Variants in ATG13 observed in about 807,000 individuals in gnomAD.
ATG13 encodes the protein autophagy-related protein 13.
Under a neutral mutation model 65.5 loss-of-function variants are expected in ATG13, and 23 were observed. That is an observed-to-expected ratio of 0.35 (90% CI 0.25 to 0.50). The LOEUF is 0.50. Ranked by LOEUF, ATG13 falls within the 20% of genes least tolerant of loss-of-function variation. The pLI is 0.98. For synonymous variants in ATG13, 252 were observed against 245.2 expected (o/e 1.03, Z -0.26); for missense variants, 566 against 677.0 (o/e 0.84, Z 1.82).
At chr11:46,633,839 C>T (rs1050185295) in intron 2 of ATG13, among the ~76,000 whole-genome samples, 1 of 152,092 alleles carries the variant, frequency 6.6e-6, no homozygotes, top group African/African-American at 2.4e-5. Flanking sequence ...GCTATATAAA[C>T]AGTCTCTTTT....
chr11:46,642,202 C>T (rs147954773), intron 2 of ATG13, among the ~76,000 whole-genome samples: 131 of 151,800 alleles, frequency 8.6e-4, no homozygotes, highest in African/African-American at 3.0e-3. Flanking sequence ...GAAACTCTAG[C>T]TTCTCAGTTA....
chr11:46,647,135 G>A (rs1291639590), intron 5 of ATG13, among the ~76,000 whole-genome samples: 1 of 152,070 alleles, frequency 6.6e-6, no homozygotes, highest in Non-Finnish European at 1.5e-5. Flanking sequence ...CAAGACTCGC[G>A]TGCTCTAGAA....
At chr11:46,626,944 C>T (rs1159187164) in intron 1 of ATG13, among the ~76,000 whole-genome samples, 1 of 152,214 alleles carries the variant, frequency 6.6e-6, no homozygotes, top group African/African-American at 2.4e-5. Context: ...TGCTCTTCCA[C>T]TGTTAGTTTA....
At chr11:46,637,790 G>A (rs1337787688) in intron 2 of ATG13, among the ~76,000 whole-genome samples, 1 of 152,210 alleles carries the variant, frequency 6.6e-6, no homozygotes, top group African/African-American at 2.4e-5. Context: ...GGGGAAAAAG[G>A]GAAGGTTTCA....
chr11:46,664,279 A>G (rs561908531), intron 12 of ATG13, 184 bp downstream of exon 12: 2 of 524,576 alleles, frequency 3.8e-6, no homozygotes, highest in Non-Finnish European at 6.6e-6. Flanking sequence ...GGGAATTTTC[A>G]TCTGCCCCTC....
At chr11:46,630,214 C>CT (rs1450271554) in intron 2 of ATG13, 114 bp downstream of exon 2, 2 of 152,270 alleles carry the variant, frequency 1.3e-5, no homozygotes, top group Non-Finnish European at 2.9e-5. Context: ...GAGAGATTCT[C>CT]TACATTTTTG....
In ATG13 at chr11:46,624,008, G is replaced by T. The variant is rs937138113; in HGVS notation, c.-69-6037G>T. Among the ~76,000 whole-genome samples the T allele has an allele frequency of 2.0e-5, 3 of 150,302 alleles. No individual in the cohort carries two copies. The East Asian group carries it at 5.9e-4, about 29-fold the overall frequency. On this transcript the variant is annotated intron_variant, in intron 1 of 18. Coordinates refer to ENST00000683050, the MANE Select transcript of ATG13 (RefSeq NM_001346311.2). ...CAAAATGTAATTTTATCAAATTCAGGAATTTTTTTTTTTTTTGAGATGGAG... is the reference window on the plus strand; with the variant it reads ...CAAAATGTAATTTTATCAAATTCAGTAATTTTTTTTTTTTTTGAGATGGAG...
At chr11:46,643,164 C>T (rs751591697) in intron 2 of ATG13, among the ~76,000 whole-genome samples, 1 of 152,146 alleles carries the variant, frequency 6.6e-6, no homozygotes, top group Non-Finnish European at 1.5e-5. Flanking sequence ...CCAGAGGTCT[C>T]TCAGACATTT....
chr11:46,667,411 G>A (rs1210405591), intron 14 of ATG13, among the ~76,000 whole-genome samples: 1 of 152,198 alleles, frequency 6.6e-6, no homozygotes, highest in African/African-American at 2.4e-5. Context: ...TTTAGTTGAG[G>A]GAGGGATGAT....
intron 7 of ATG13, among the ~76,000 whole-genome samples, chr11:46,650,825 C>G (rs2058743294): frequency 6.6e-6 from 1 of 152,070 alleles, no homozygotes; most frequent in South Asian, 2.1e-4. Context: ...AGGCTGGTCT[C>G]GAGCTCCTGA....
intron 11 of ATG13, among the ~76,000 whole-genome samples, chr11:46,661,791 A>G (rs2061280894): frequency 6.6e-6 from 1 of 152,154 alleles, no homozygotes; most frequent in Admixed American, 6.6e-5. Flanking sequence ...AGATCGCACC[A>G]CTGCCCTCCA....
intron 5 of ATG13, chr11:46,648,895 G>T: frequency 6.3e-6 from 2 of 315,450 alleles, no homozygotes; most frequent in Non-Finnish European, 1.1e-5. Context: ...CATTTTAAAT[G>T]ATTTAGAATT....
At chr11:46,627,655 T>G (rs997974288) in intron 1 of ATG13, among the ~76,000 whole-genome samples, 17 of 151,788 alleles carry the variant, frequency 1.1e-4, no homozygotes, top group Non-Finnish European at 1.6e-4. Context: ...ATTTTTTTAT[T>G]TTTAATAGAG....
At chr11:46,648,609 C>G (rs1395549157) in intron 5 of ATG13, 4 of 152,180 alleles carry the variant, frequency 2.6e-5, no homozygotes, top group African/African-American at 9.7e-5. Context: ...AACCCCGTCT[C>G]TACTAAAAAT....
intron 12 of ATG13, 144 bp from the exon 13 acceptor site, chr11:46,664,705 A>G (rs762786261): frequency 5.9e-6 from 4 of 675,454 alleles, no homozygotes; most frequent in Middle Eastern, 2.5e-4. Flanking sequence ...CCTAACCCCT[A>G]TCACGTCAGG....
At chr11:46,659,613 G>A in intron 11 of ATG13, 128 bp downstream of exon 11, 1 of 675,200 alleles carries the variant, frequency 1.5e-6, no homozygotes, top group Non-Finnish European at 2.5e-6. Flanking sequence ...GGGTTACTTT[G>A]AGGGGTAAGA....
chr11:46,674,432 C>G lies in ATG13; in HGVS notation c.*2100C>G, dbSNP rs1032003763. The stretch of plus-strand genomic sequence containing the variant: ...GTCAGAGTCCCTCCTCCTCCTCCAA[C>G]CTCTCCAACCTACTTTGTTTGGAAA... On this transcript the variant is annotated 3_prime_UTR_variant, in exon 19 of 19. Transcript: ENST00000683050. 2 of 152,212 alleles carry G rather than the reference C, an allele frequency of 1.3e-5. No homozygotes were observed. The highest frequency in any genetic ancestry group is 2.9e-5 in the Non-Finnish European group (2 of 68,064). 9.4% of individuals were successfully genotyped at this position (152,212 alleles called of 1,614,324 possible).
Position 46,668,672 on chromosome 11 carries a change from A to G in ATG13, c.1329+96A>G, listed in dbSNP as rs181798463. The G allele has an allele frequency of 9.5e-4, 1,435 of 1,503,652 alleles. 10 individuals carry two copies. The highest frequency in any genetic ancestry group is 9.4e-3 in the Middle Eastern group (55 of 5,846). The allele number at this position is 1,503,652 out of a possible 1,614,324, so 93.1% of individuals were successfully genotyped here. A position where few individuals can be genotyped will look rare whatever the true frequency, so the allele number is the denominator to read the frequency against. On this transcript the variant is annotated intron_variant, in intron 16 of 18. Coordinates refer to ENST00000683050, the MANE Select transcript of ATG13 (RefSeq NM_001346311.2). ...ACTAATCCCCCACAGACTATAAACC[A>G]TGGCCCCTCGGCTTACGGGTTTGTA...
In ATG13 at chr11:46,644,419, T is replaced by G. The variant is rs1329403680; in HGVS notation, c.69+59T>G. On this transcript the variant is annotated intron_variant, in intron 3 of 18. Transcript: ENST00000683050. ...TAGAAATAACTTCCGTGCTTCTCCC[T>G]TTTGCGAACAACTCTCTTTGGAAAG... The G allele has an allele frequency of 2.1e-6, 3 of 1,413,988 alleles. No individual in the cohort carries two copies. In the East Asian group the frequency reaches 6.9e-5, roughly 33 times the overall value. 87.6% of individuals were successfully genotyped at this position (1,413,988 alleles called of 1,614,324 possible). A position where few individuals can be genotyped will look rare whatever the true frequency, so the allele number is the denominator to read the frequency against.
Sources: allele counts gnomAD v4.1 joint callset (sites outside exome capture counted in the v4.1 genomes callset), GRCh38; gene constraint gnomAD v4.1.1; transcripts MANE v1.5; gene names NCBI Gene and HGNC (gene_info 2026-07-23, HGNC 2026-07-21).